The following NOS1AP variants were observed in gnomAD, a reference collection of about 807,000 sequenced individuals.
NOS1AP encodes carboxyl-terminal PDZ ligand of neuronal nitric oxide synthase protein.
Under a neutral mutation model 56.2 loss-of-function variants are expected in NOS1AP, and 21 were observed. The ratio of observed to expected loss-of-function variants is 0.37; its 90% CI spans 0.26 to 0.54. NOS1AP has a LOEUF of 0.54. Among genes scored for constraint, NOS1AP ranks in the 20% least tolerant of loss-of-function variants. The probability of loss-of-function intolerance (pLI) is 0.84; values close to 1 mark genes in which losing one functional copy is unlikely to be tolerated. For missense variants in NOS1AP, 522 were observed against 657.8 expected (o/e 0.79, Z 2.26); for synonymous variants, 270 against 274.6 (o/e 0.98, Z 0.17).
intron 1 of NOS1AP, among the ~76,000 whole-genome samples, chr1:162,106,386 T>C (rs1382678717): frequency 1.3e-5 from 2 of 152,198 alleles, no homozygotes; most frequent in African/African-American, 4.8e-5. Context: ...CATTCCTTTC[T>C]CTGAGCACCA....
chr1:162,155,392 T>G lies in NOS1AP; in HGVS notation c.177+916T>G, dbSNP rs565489423. ...TATATAGAGAGAGAGCTTATATATA[T>G]AGAGAGCTCATATATATATATATAG... On this transcript the variant is annotated intron_variant, in intron 2 of 9. Transcript: ENST00000361897. Among the ~76,000 whole-genome samples, 644 of 145,970 alleles carry G rather than the reference T, an allele frequency of 4.4e-3. 6 individuals are homozygous for G. Among genetic ancestry groups the G allele is most frequent in the South Asian group, 0.023 (105 of 4,576 alleles).
chr1:162,241,892 G>A (rs1653499586), intron 2 of NOS1AP, among the ~76,000 whole-genome samples: 1 of 152,116 alleles, frequency 6.6e-6, no homozygotes, highest in South Asian at 2.1e-4. Context: ...GCAACCCTGG[G>A]AAAATGAAAA....
chr1:162,179,272 G>A (rs890643767), intron 2 of NOS1AP, among the ~76,000 whole-genome samples: 2 of 152,076 alleles, frequency 1.3e-5, no homozygotes, highest in Admixed American at 6.5e-5. Context: ...ATATGAAAAC[G>A]ATTCTTCTTT....
chr1:162,244,979 G>A (rs1165973333), intron 2 of NOS1AP, among the ~76,000 whole-genome samples: 1 of 152,166 alleles, frequency 6.6e-6, no homozygotes, highest in African/African-American at 2.4e-5. Flanking sequence ...GGTGATGGGA[G>A]CTTGAGGGAA....
chr1:162,096,718 G>A (rs1034225668), intron 1 of NOS1AP, among the ~76,000 whole-genome samples: 11 of 151,986 alleles, frequency 7.2e-5, no homozygotes, highest in African/African-American at 2.4e-4. Context: ...TTCTAAGTTT[G>A]CTTTTTTCCT....
chr1:162,230,242 G>A (rs1653081031), intron 2 of NOS1AP, among the ~76,000 whole-genome samples: 1 of 152,130 alleles, frequency 6.6e-6, no homozygotes, highest in African/African-American at 2.4e-5. Flanking sequence ...CCGGACGGAG[G>A]GGTGTATGCT....
chr1:162,215,986 C>T (rs1652555544), intron 2 of NOS1AP, among the ~76,000 whole-genome samples: 2 of 152,192 alleles, frequency 1.3e-5, no homozygotes, highest in Admixed American at 6.5e-5. Flanking sequence ...GTCTGTCTGT[C>T]CAGCTTCCGT....
intron 2 of NOS1AP, among the ~76,000 whole-genome samples, chr1:162,180,059 A>T (rs2102144186): frequency 6.6e-6 from 1 of 152,230 alleles, no homozygotes; most frequent in Non-Finnish European, 1.5e-5. Context: ...GCAGGTGTTC[A>T]TTATCTGGAT....
intron 1 of NOS1AP, among the ~76,000 whole-genome samples, chr1:162,102,652 G>T (rs1373006190): frequency 6.6e-6 from 1 of 152,048 alleles, no homozygotes; most frequent in Admixed American, 6.5e-5. Context: ...TTTCTTCCTG[G>T]TTCAGTCTTG....
At chr1:162,300,288 A>C (rs111287951) in intron 3 of NOS1AP, among the ~76,000 whole-genome samples, 2,486 of 152,292 alleles carry the variant, frequency 0.016, 33 homozygotes, top group Middle Eastern at 0.038. Flanking sequence ...TACAGCCAGA[A>C]TGAATAGCCT....
At chr1:162,295,628 A>G (rs1478235870) in intron 3 of NOS1AP, among the ~76,000 whole-genome samples, 1 of 152,176 alleles carries the variant, frequency 6.6e-6, no homozygotes, top group Non-Finnish European at 1.5e-5. Flanking sequence ...TGCAAAACAT[A>G]GGCAATAAGA....
intron 2 of NOS1AP, among the ~76,000 whole-genome samples, chr1:162,282,552 TAG>T (rs1370947707): frequency 1.3e-5 from 2 of 152,210 alleles, no homozygotes; most frequent in Admixed American, 1.3e-4. Context: ...TCTAAATTTT[TAG>T]ACTGTCACAT....
rs146427136 is a variant in NOS1AP, at chr1:162,320,394, T to C, written c.345-12623T>C. ...ACCTTTGTTGATGATTATTTTGCACTGGGAAGATTTTGCCTAATGCCTCTC... is the reference window on the plus strand; with the variant it reads ...ACCTTTGTTGATGATTATTTTGCACCGGGAAGATTTTGCCTAATGCCTCTC... On this transcript the variant is annotated intron_variant, in intron 4 of 9. Coordinates refer to ENST00000361897, the MANE Select transcript of NOS1AP (RefSeq NM_014697.3). Among the ~76,000 whole-genome samples, 208 of 152,292 alleles carry C rather than the reference T, an allele frequency of 1.4e-3. 3 individuals are homozygous for C. The highest frequency in any genetic ancestry group is 4.6e-3 in the African/African-American group (190 of 41,552).
intron 2 of NOS1AP, among the ~76,000 whole-genome samples, chr1:162,254,074 T>C (rs1653948626): frequency 6.6e-6 from 1 of 152,234 alleles, no homozygotes; most frequent in South Asian, 2.1e-4. Context: ...ATCATTTTCT[T>C]ATTTTTTGAG....
At chr1:162,249,465 CT>C (rs2101690276) in intron 2 of NOS1AP, among the ~76,000 whole-genome samples, 1 of 152,266 alleles carries the variant, frequency 6.6e-6, no homozygotes, top group East Asian at 1.9e-4. Context: ...CTTATGGTGT[CT>C]TTCAAATGCA....
chr1:162,073,226 A>C (rs1380238197), intron 1 of NOS1AP, among the ~76,000 whole-genome samples: 1 of 152,224 alleles, frequency 6.6e-6, no homozygotes, highest in Non-Finnish European at 1.5e-5. Flanking sequence ...ACGAGGACAT[A>C]GGCTCAGGGA....
chr1:162,204,049 A>G (rs1652082125), intron 2 of NOS1AP, among the ~76,000 whole-genome samples: 2 of 151,800 alleles, frequency 1.3e-5, no homozygotes, highest in Admixed American at 6.6e-5. Context: ...GTATGGCCAG[A>G]GTGCTCTTTC....
At chr1:162,329,778 G>T (rs1049269146) in intron 4 of NOS1AP, among the ~76,000 whole-genome samples, 2 of 152,214 alleles carry the variant, frequency 1.3e-5, no homozygotes, top group Non-Finnish European at 2.9e-5. Context: ...GATGAATGAG[G>T]TCGCATGGAA....
At chr1:162,087,824 CCT>C (rs566465365) in intron 1 of NOS1AP, among the ~76,000 whole-genome samples, 33 of 152,260 alleles carry the variant, frequency 2.2e-4, no homozygotes, top group African/African-American at 7.9e-4. Context: ...TGTAAAGTGC[CCT>C]CTCTCTTTGA....
Sources: allele counts gnomAD v4.1 joint callset (sites outside exome capture counted in the v4.1 genomes callset), GRCh38; gene constraint gnomAD v4.1.1; transcripts MANE v1.5; gene names NCBI Gene and HGNC (gene_info 2026-07-23, HGNC 2026-07-21).